SDK1: variants seen among roughly 807,000 people sequenced by gnomAD.
SDK1 encodes the protein sidekick cell adhesion molecule 1, also known as protein sidekick-1.
In SDK1, 157 loss-of-function variants were observed where a neutral mutation model predicts 245.5. That is an observed-to-expected ratio of 0.64 (90% CI 0.56 to 0.73). The LOEUF is 0.73. SDK1 is among the 30% of genes least tolerant of loss of function. The pLI is 0.00. For missense variants in SDK1, 3,583 were observed against 3,002.3 expected, an observed-to-expected ratio of 1.19 and a Z score of -4.52; for synonymous variants, 1,647 against 1,278.5, an observed-to-expected ratio of 1.29 and a Z score of -6.15.
At chr7:4,069,665 G>C (rs553021097) in intron 20 of SDK1, among the ~76,000 whole-genome samples, 1 of 152,354 alleles carries the variant, frequency 6.6e-6, no homozygotes, top group Admixed American at 6.5e-5. Flanking sequence ...GAGACCAAGA[G>C]CCTCAGGTGA....
intron 4 of SDK1, among the ~76,000 whole-genome samples, chr7:3,707,978 A>C (rs1339379648): frequency 6.6e-6 from 1 of 152,178 alleles, no homozygotes. Flanking sequence ...ATAAAGAAAT[A>C]CCTGAGACTG....
Position 4,145,940 on chromosome 7 carries a change from G to A in SDK1, c.4423+24G>A, listed in dbSNP as rs764511447. ...AGGTAAGACCTTGGGGGACCCGGGGGTACTGCAGATGTTGTGGGCACAGCT... is the reference window on the plus strand; with the variant it reads ...AGGTAAGACCTTGGGGGACCCGGGGATACTGCAGATGTTGTGGGCACAGCT... On this transcript the variant is annotated intron_variant, in intron 29 of 44. Coordinates refer to ENST00000404826, the MANE Select transcript of SDK1 (RefSeq NM_152744.4). 2.0e-5 allele frequency: 31 copies of A among 1,575,326 alleles called. No individual in the cohort carries two copies. In the East Asian group the frequency reaches 2.0e-4, roughly 10 times the overall value.
chr7:4,145,877 G>A lies in SDK1; in HGVS notation c.4384G>A (p.Glu1462Lys), dbSNP rs1406124596. Residue 1462 changes from glutamate to lysine, a missense_variant, in exon 29 of 45, where the codon GAG becomes AAG. Physicochemically the swap from Glu to Lys is moderately conservative, Grantham distance 56. Transcript: ENST00000404826. ...CGCCAAGACGAGGCAGGGCTGGGGG[G>A]AGCCACTGGAGGCCACCGTCATCAC... Reference protein sequence around the residue: ...LSAKTRQGWGEPLEATVITTE... With the variant: ...LSAKTRQGWGKPLEATVITTE... 3 of 1,612,940 alleles carry A rather than the reference G, an allele frequency of 1.9e-6. No homozygotes were observed. Among genetic ancestry groups the A allele is most frequent in the Non-Finnish European group, 8.5e-7 (1 of 1,179,586 alleles).
chr7:3,695,692 T>C (rs988690040), intron 4 of SDK1, among the ~76,000 whole-genome samples: 3 of 152,220 alleles, frequency 2.0e-5, no homozygotes, highest in Non-Finnish European at 4.4e-5. Context: ...CACAGTTAAT[T>C]GAGACATTTA....
At chr7:3,504,095 A>G (rs1230142073) in intron 1 of SDK1, among the ~76,000 whole-genome samples, 1 of 151,292 alleles carries the variant, frequency 6.6e-6, no homozygotes, top group African/African-American at 2.4e-5. Context: ...GGTTGTAGTG[A>G]GCCAAGATCG....
intron 35 of SDK1, among the ~76,000 whole-genome samples, chr7:4,192,286 T>G (rs1422500938): frequency 6.6e-6 from 1 of 152,210 alleles, no homozygotes; most frequent in Non-Finnish European, 1.5e-5. Context: ...TTTGTTTCTT[T>G]GTTTATTGAG....
intron 40 of SDK1, among the ~76,000 whole-genome samples, chr7:4,222,145 G>A (rs549545353): frequency 3.4e-4 from 52 of 152,302 alleles, no homozygotes; most frequent in Non-Finnish European, 5.9e-4. Context: ...ACGGTGCTAG[G>A]AACTAGTTTA....
At chr7:4,080,816 C>T (rs1353990964) in intron 22 of SDK1, among the ~76,000 whole-genome samples, 1 of 151,870 alleles carries the variant, frequency 6.6e-6, no homozygotes, top group Non-Finnish European at 1.5e-5. Context: ...ATGTAACAAA[C>T]CTGCACATTG....
At chr7:4,099,861 C>T (rs548693758) in intron 22 of SDK1, among the ~76,000 whole-genome samples, 25 of 152,022 alleles carry the variant, frequency 1.6e-4, no homozygotes, top group Non-Finnish European at 2.6e-4. Flanking sequence ...CCTAAGAAAC[C>T]GTGGCTGCTG....
chr7:3,407,491 G>C (rs997049381), intron 1 of SDK1, among the ~76,000 whole-genome samples: 2 of 152,148 alleles, frequency 1.3e-5, no homozygotes, highest in African/African-American at 4.8e-5. Flanking sequence ...GTATGAATGA[G>C]TGAACCAGTA....
At chr7:3,754,033 A>T (rs1779849199) in intron 4 of SDK1, among the ~76,000 whole-genome samples, 1 of 152,216 alleles carries the variant, frequency 6.6e-6, no homozygotes, top group Non-Finnish European at 1.5e-5. Context: ...TTCTGCCCAA[A>T]CCATGAAAGC....
At chr7:3,879,734 T>G (rs79239342) in intron 5 of SDK1, among the ~76,000 whole-genome samples, 7,151 of 152,286 alleles carry the variant, frequency 0.047, 534 homozygotes, top group African/African-American at 0.16. Flanking sequence ...ACACAAACAC[T>G]GCCATGCCTG....
At chr7:4,063,025 C>T (rs991975285) in intron 19 of SDK1, among the ~76,000 whole-genome samples, 2 of 152,150 alleles carry the variant, frequency 1.3e-5, no homozygotes, top group Admixed American at 6.5e-5. Flanking sequence ...AGCTGAAATC[C>T]TTTCCTCTGA....
At chr7:3,764,512 C>T (rs1349403034) in intron 4 of SDK1, among the ~76,000 whole-genome samples, 1 of 152,084 alleles carries the variant, frequency 6.6e-6, no homozygotes, top group Non-Finnish European at 1.5e-5. Flanking sequence ...ATGGTGAAAT[C>T]CCGCCTCTAC....
chr7:4,119,662 G>A (rs1783939673), intron 25 of SDK1, among the ~76,000 whole-genome samples: 1 of 148,852 alleles, frequency 6.7e-6, no homozygotes, highest in African/African-American at 2.5e-5. Context: ...AAAGAAACAT[G>A]GTTTCAGGCC....
At chr7:3,995,805 C>G (rs1784658643) in intron 14 of SDK1, among the ~76,000 whole-genome samples, 1 of 137,588 alleles carries the variant, frequency 7.3e-6, no homozygotes, top group Non-Finnish European at 1.5e-5. Flanking sequence ...ATTTATCTAT[C>G]CAAGGCCTTA....
At chr7:3,604,284 T>G (rs915525212) in intron 1 of SDK1, among the ~76,000 whole-genome samples, 3 of 152,216 alleles carry the variant, frequency 2.0e-5, no homozygotes, top group African/African-American at 7.2e-5. Context: ...GTACCTCTGG[T>G]AGAATTCGGC....
chr7:3,684,378 G>T (rs1784209920), intron 4 of SDK1, among the ~76,000 whole-genome samples: 2 of 152,206 alleles, frequency 1.3e-5, no homozygotes, highest in Non-Finnish European at 1.5e-5. Context: ...AGTGCATACT[G>T]AAGCTCACCC....
chr7:3,852,365 T>G (rs533063491), intron 5 of SDK1, among the ~76,000 whole-genome samples: 90 of 152,170 alleles, frequency 5.9e-4, no homozygotes, highest in Non-Finnish European at 1.1e-3. Flanking sequence ...TACCGTGCTG[T>G]CACTAGCCAT....
Sources: gnomAD v4.1 joint callset for allele counts (sites outside exome capture counted in the v4.1 genomes callset) on GRCh38, gnomAD v4.1.1 for gene constraint, MANE v1.5 for transcripts, NCBI Gene and HGNC (gene_info 2026-07-23, HGNC 2026-07-21) for gene names.